PLXNA4: variants seen among roughly 807,000 people sequenced by gnomAD.
PLXNA4 encodes the protein plexin-A4.
A neutral mutation model predicts 191.8 loss-of-function variants in PLXNA4; 44 were observed. The ratio of observed to expected loss-of-function variants is 0.23; its 90% CI spans 0.18 to 0.29. The LOEUF (loss-of-function observed/expected upper bound fraction) is 0.29. Ranked by LOEUF, PLXNA4 falls within the 10% of genes least tolerant of loss-of-function variation. The pLI, the probability that PLXNA4 is intolerant of heterozygous loss-of-function variation, is 1.00. For synonymous variants in PLXNA4, 1,082 were observed against 1,009.5 expected, an observed-to-expected ratio of 1.07 and a Z score of -1.36; for missense variants, 1,800 against 2,488.8, an observed-to-expected ratio of 0.72 and a Z score of 5.89.
intron 25 of PLXNA4, among the ~76,000 whole-genome samples, chr7:132,154,511 A>G (rs1365884955): frequency 6.6e-6 from 1 of 152,000 alleles, no homozygotes; most frequent in East Asian, 1.9e-4. Context: ...CACTGAAGGT[A>G]CTAGATCTTT....
intron 1 of PLXNA4, among the ~76,000 whole-genome samples, chr7:132,552,875 A>C (rs1322444520): frequency 6.6e-6 from 1 of 151,448 alleles, no homozygotes; most frequent in African/African-American, 2.4e-5. Context: ...GTGTTAGGAT[A>C]AAAGAAACTC....
intron 1 of PLXNA4, among the ~76,000 whole-genome samples, chr7:132,562,856 C>T (rs1801306734): frequency 7.9e-6 from 1 of 126,564 alleles, no homozygotes; most frequent in Non-Finnish European, 1.7e-5. Context: ...CCTTTCTCCT[C>T]CTCCTCCTTC....
chr7:132,241,543 C>T (rs928056081), intron 4 of PLXNA4, among the ~76,000 whole-genome samples: 6 of 152,184 alleles, frequency 3.9e-5, no homozygotes, highest in African/African-American at 1.4e-4. Flanking sequence ...GTAACAAGTG[C>T]AAATGGTCAT....
At chr7:132,582,469 A>C (rs1802420830) in intron 2 of PLXNA4, among the ~76,000 whole-genome samples, 1 of 152,132 alleles carries the variant, frequency 6.6e-6, no homozygotes, top group Non-Finnish European at 1.5e-5. Flanking sequence ...ATCAGAGCTG[A>C]CTTAAGTGAC....
At chr7:132,180,559 T>C (rs1439522652) in intron 19 of PLXNA4, 27 bp downstream of exon 19, 1 of 1,613,860 alleles carries the variant, frequency 6.2e-7, no homozygotes, top group Admixed American at 1.7e-5. Flanking sequence ...GCCCGCTCCA[T>C]CCAGGATGGG....
chr7:132,561,902 C>T (rs1317580448), intron 1 of PLXNA4, among the ~76,000 whole-genome samples: 2 of 143,406 alleles, frequency 1.4e-5, no homozygotes, highest in Admixed American at 6.9e-5. Context: ...TCTCCTTCTC[C>T]TTCTCCTCCT....
rs145186769 is a variant in PLXNA4 at position 132,335,978 on chromosome 7, C to A, written c.1372-37756G>T. Among the ~76,000 whole-genome samples the A allele has an allele frequency of 8.5e-5, 13 of 152,296 alleles. No individual in the cohort carries two copies. In the East Asian group the frequency reaches 2.5e-3, roughly 29 times the overall value. ...CTACTGTCTGCTGAGAATGAAGGAA[C>A]CATCAGTAGAGAGATGAACAGCCTC... On this transcript the variant is annotated intron_variant, in intron 3 of 31. Coordinates refer to ENST00000321063, the MANE Select transcript of PLXNA4 (RefSeq NM_020911.2).
At chr7:132,307,883 T>C (rs1801590047) in intron 3 of PLXNA4, among the ~76,000 whole-genome samples, 1 of 152,178 alleles carries the variant, frequency 6.6e-6, no homozygotes, top group African/African-American at 2.4e-5. Flanking sequence ...AGACAGGCAG[T>C]GTGTGTGCAC....
chr7:132,347,253 T>C (rs1803279526), intron 3 of PLXNA4, among the ~76,000 whole-genome samples: 1 of 152,138 alleles, frequency 6.6e-6, no homozygotes, highest in African/African-American at 2.4e-5. Context: ...TTCTTCCTTT[T>C]CTAGCCCAGA....
intron 3 of PLXNA4, among the ~76,000 whole-genome samples, chr7:132,395,013 G>A (rs1793696181): frequency 6.6e-6 from 1 of 152,218 alleles, no homozygotes; most frequent in African/African-American, 2.4e-5. Context: ...GGGCAGGTGT[G>A]GCTGCACACT....
At chr7:132,497,213 TG>T (rs1798061084) in intron 2 of PLXNA4, among the ~76,000 whole-genome samples, 1 of 152,024 alleles carries the variant, frequency 6.6e-6, no homozygotes, top group Non-Finnish European at 1.5e-5. Context: ...ATTACACATG[TG>T]GGATTTCTTT....
At chr7:132,373,955 A>C (rs1804551623) in intron 3 of PLXNA4, among the ~76,000 whole-genome samples, 1 of 152,084 alleles carries the variant, frequency 6.6e-6, no homozygotes, top group African/African-American at 2.4e-5. Context: ...GAGGATTCCA[A>C]CCTGAGGCTC....
intron 3 of PLXNA4, among the ~76,000 whole-genome samples, chr7:132,327,319 A>C (rs1802413446): frequency 6.6e-6 from 1 of 152,182 alleles, no homozygotes; most frequent in Non-Finnish European, 1.5e-5. Flanking sequence ...GTTGCAATCT[A>C]AGGGTCAGAA....
chr7:132,500,588 A>G (rs1434990706), intron 2 of PLXNA4, among the ~76,000 whole-genome samples: 1 of 152,122 alleles, frequency 6.6e-6, no homozygotes, highest in East Asian at 1.9e-4. Context: ...ATCTCTCAAA[A>G]GCAGGTATTG....
chr7:132,484,854 G>A, intron 3 of PLXNA4: 1 of 1,614,166 alleles, frequency 6.2e-7, no homozygotes, highest in Non-Finnish European at 8.5e-7. Context: ...AAGCAACAAA[G>A]CAGAGGCTGG....
At chr7:132,556,952 A>G (rs1459290709) in intron 1 of PLXNA4, among the ~76,000 whole-genome samples, 3 of 152,256 alleles carry the variant, frequency 2.0e-5, no homozygotes, top group African/African-American at 7.2e-5. Flanking sequence ...AACCCCAAAA[A>G]GAAATTGAAT....
At chr7:132,628,824 T>A (rs1055193880) in intron 2 of PLXNA4, among the ~76,000 whole-genome samples, 1 of 152,236 alleles carries the variant, frequency 6.6e-6, no homozygotes, top group African/African-American at 2.4e-5. Flanking sequence ...CTGTCTTACA[T>A]CTCAAAGCAT....
chr7:132,466,109 G>C (rs1796689313), intron 3 of PLXNA4, among the ~76,000 whole-genome samples: 1 of 152,178 alleles, frequency 6.6e-6, no homozygotes, highest in African/African-American at 2.4e-5. Context: ...GAAGCCATCA[G>C]CCAGCTAGGC....
At chr7:132,177,684 G>A (rs1203330812) in intron 20 of PLXNA4, among the ~76,000 whole-genome samples, 1 of 152,196 alleles carries the variant, frequency 6.6e-6, no homozygotes, top group Non-Finnish European at 1.5e-5. Context: ...AAGTCACCAA[G>A]CGCCTCCAAC....
Sources: gnomAD v4.1 joint callset for allele counts (sites outside exome capture counted in the v4.1 genomes callset) on GRCh38, gnomAD v4.1.1 for gene constraint, MANE v1.5 for transcripts, NCBI Gene and HGNC (gene_info 2026-07-23, HGNC 2026-07-21) for gene names.